The following MYH8 variants were observed in gnomAD, a reference collection of about 807,000 sequenced individuals.
MYH8 encodes myosin-8.
In MYH8, 168 loss-of-function variants were observed where a neutral mutation model predicts 233.2. The ratio of observed to expected loss-of-function variants is 0.72; its 90% CI spans 0.64 to 0.82. MYH8 has a LOEUF of 0.82. Among genes scored for constraint, MYH8 ranks in the 40% least tolerant of loss-of-function variants. The pLI is 0.00. For missense variants in MYH8, 1,995 were observed against 2,327.8 expected, an observed-to-expected ratio of 0.86 and a Z score of 2.94; for synonymous variants, 785 against 850.6, an observed-to-expected ratio of 0.92 and a Z score of 1.34.
chr17:10,408,861 A>G (rs1400034807), intron 17 of MYH8, among the ~76,000 whole-genome samples: 1 of 152,222 alleles, frequency 6.6e-6, no homozygotes, highest in Non-Finnish European at 1.5e-5. Context: ...TTATATAATG[A>G]GAAAGTTTCT....
At chr17:10,418,555 A>T in intron 5 of MYH8, 90 bp downstream of exon 5, 1 of 1,608,510 alleles carries the variant, frequency 6.2e-7, no homozygotes, top group African/African-American at 1.3e-5. Context: ...AGAATGTATT[A>T]TCATAACATA....
rs1283060152 is a variant in MYH8 at position 10,400,437 on chromosome 17, C to T, written c.3688G>A (p.Glu1230Lys). 2 of 1,613,962 alleles carry T rather than the reference C, an allele frequency of 1.2e-6. No individual in the cohort carries two copies. The highest frequency in any genetic ancestry group is 1.7e-6 in the Non-Finnish European group (2 of 1,179,948). ...LEKEKSELKM[E>K]TDDLSSNAEA... ...GCGTTACTGCTGAGGTCATCAGTCT[C>T]CATCTTCAGCTCACTCTTCTCCTTC... is the stretch of plus-strand genomic sequence containing the variant. Residue 1230 changes from glutamate (E) to lysine (K), a missense_variant, in exon 27 of 40, where the codon GAG (glutamate) becomes AAG (lysine). Around this residue, in one of 3 missense-constraint regions of MYH8, gnomAD observed 1,498 missense variants for 1,680.9 expected, o/e 0.89. Transcript: ENST00000403437. The surrounding 1 kb of genome is among the most constrained non-coding windows in gnomAD (Gnocchi z 4.0).
Position 10,400,678 on chromosome 17 carries a change from G to A in MYH8, c.3447C>T (p.Ile1149=). The A allele has an allele frequency of 6.2e-7, 1 of 1,614,158 alleles. No individual in the cohort carries two copies. The highest frequency in any genetic ancestry group is 1.1e-5 in the South Asian group (1 of 91,080). ...RSDLSRELEE[I]SERLEEAGGA... ...CACCGGCTTCTTCCAGCCTCTCGCT[G>A]ATCTCCTCCAGTTCCCGGGAGAGGT... Residue 1149 remains isoleucine, a synonymous_variant, in exon 27 of 40, where the codon ATC becomes ATT. Transcript: ENST00000403437. This position sits in a 1 kb window ranked among gnomAD's most constrained non-coding sequence, Gnocchi z 4.0.
In MYH8 at chr17:10,396,311, A is replaced by C. The variant is rs755552897; in HGVS notation, c.4653+19T>G. On this transcript the variant is annotated intron_variant, in intron 33 of 39. Coordinates refer to ENST00000403437, the MANE Select transcript of MYH8 (RefSeq NM_002472.3). This position sits in a 1 kb window ranked among gnomAD's most constrained non-coding sequence, Gnocchi z 4.2. ...GTTTGTCTTTGTTTTTCCATAACAT[A>C]ATACAAGGTAATATGTACCTCTGCT... 3.1e-6 allele frequency: 5 copies of C among 1,613,440 alleles called. No individual in the cohort carries two copies. The highest frequency in any genetic ancestry group is 1.1e-5 in the South Asian group (1 of 91,016).
Position 10,396,497 on chromosome 17 carries a change from A to C in MYH8, c.4529-43T>G, listed in dbSNP as rs2072079557. On this transcript the variant is annotated intron_variant, in intron 32 of 39. Coordinates refer to ENST00000403437, the MANE Select transcript of MYH8 (RefSeq NM_002472.3). This position sits in a 1 kb window ranked among gnomAD's most constrained non-coding sequence, Gnocchi z 4.2. ...GGAGAGAAATGGTCAGAAAGATGGCAACATGGAAAGGTCCTCCCAGGGATA... is the reference window on the plus strand; with the variant it reads ...GGAGAGAAATGGTCAGAAAGATGGCCACATGGAAAGGTCCTCCCAGGGATA... 17 of 1,614,028 alleles carry C rather than the reference A, an allele frequency of 1.1e-5. No individual in the cohort carries two copies. In the East Asian group the frequency reaches 3.8e-4, roughly 36 times the overall value.
chr17:10,413,807 C>T (rs896198751), intron 12 of MYH8, 95 bp downstream of exon 12: 16 of 1,584,694 alleles, frequency 1.0e-5, no homozygotes, highest in African/African-American at 2.7e-5. Flanking sequence ...CTTCACAAGT[C>T]GCAAGTCCAG....
rs774308064 is a variant in MYH8 at position 10,406,759 on chromosome 17, A to G, written c.2102T>C (p.Val701Ala). 3 of 1,614,086 alleles carry G rather than the reference A, an allele frequency of 1.9e-6. No homozygotes were observed. The African/African-American group carries it at 4.0e-5, about 22-fold the overall frequency. Residue 701 changes from valine (V) to alanine (A), a missense_variant, in exon 19 of 40, where the codon GTG becomes GCG. By Grantham distance (64) the Val-to-Ala change is moderately conservative. Transcript: ENST00000403437. ...CCTACAGATGCGGATGCCTTCCAGC[A>G]CACCATTACACCTCAGCTGGTGCAA... ...LVLHQLRCNGVLEGIRICRKG... is the reference protein window; with the variant it reads ...LVLHQLRCNGALEGIRICRKG...
Position 10,396,418 on chromosome 17 carries a change from C to G in MYH8, c.4565G>C (p.Gly1522Ala). ...CTCCAATTCATGAATTTGCTTTCCT[C>G]CCTCTGCAATCTGCTCAGTGAGGTC... Reference protein sequence around the residue: ...ISDLTEQIAEGGKQIHELEKI... With the variant: ...ISDLTEQIAEAGKQIHELEKI... Residue 1522 changes from glycine to alanine, a missense_variant, in exon 33 of 40, where the codon GGA (glycine) becomes GCA (alanine). Coordinates refer to ENST00000403437, the MANE Select transcript of MYH8 (RefSeq NM_002472.3). This position sits in a 1 kb window ranked among gnomAD's most constrained non-coding sequence, Gnocchi z 4.2. 5 of 1,614,088 alleles carry G rather than the reference C, an allele frequency of 3.1e-6. No homozygotes were observed. The highest frequency in any genetic ancestry group is 4.2e-6 in the Non-Finnish European group (5 of 1,180,028).
rs1555555758 is a variant in MYH8 at position 10,398,994 on chromosome 17, G to GTGTATATATATATATATATATATATA, written c.3863-109_3863-108insTATATATATATATATATATATATACA. 6.9e-5 allele frequency: 21 copies of GTGTATATATATATATATATATATATA among 305,188 alleles called. 1 individual carries two copies. Among genetic ancestry groups the GTGTATATATATATATATATATATATA allele is most frequent in the African/African-American group, 5.0e-4 (21 of 42,072 alleles). The allele number at this position is 305,188 out of a possible 1,614,324, so 18.9% of individuals were successfully genotyped here. A position where few individuals can be genotyped will look rare whatever the true frequency, so the allele number is the denominator to read the frequency against. On this transcript the variant is annotated intron_variant, in intron 28 of 39. Coordinates refer to ENST00000403437, the MANE Select transcript of MYH8 (RefSeq NM_002472.3). ...TATATATATGTATATATGTGTGTGTGTATATATATATATATATATATATAC... is the reference window on the plus strand; with the variant it reads ...TATATATATGTATATATGTGTGTGTGTGTATATATATATATATATATATATATATATATATATATATATATATATAC...
Position 10,410,953 on chromosome 17 carries a change from C to G in MYH8, c.1417-6G>C. The stretch of plus-strand genomic sequence containing the variant: ...AGCTGCTCCAGGCTGTTAAACTACA[C>G]AAAATAATAGAGATTTCCAACATCA... On this transcript the variant is annotated splice_polypyrimidine_tract_variant and splice_region_variant and intron_variant, in intron 14 of 39. Transcript: ENST00000403437. The G allele has an allele frequency of 6.2e-7, 1 of 1,613,874 alleles. No homozygotes were observed. Among genetic ancestry groups the G allele is most frequent in the Non-Finnish European group, 8.5e-7 (1 of 1,179,934 alleles).
chr17:10,418,555 A>G (rs757304378), intron 5 of MYH8, 90 bp downstream of exon 5: 1 of 1,608,510 alleles, frequency 6.2e-7, no homozygotes, highest in Non-Finnish European at 8.5e-7. Flanking sequence ...AGAATGTATT[A>G]TCATAACATA....
chr17:10,401,062 C>T lies in MYH8; in HGVS notation c.3238G>A (p.Asp1080Asn), dbSNP rs756254146. ...MDMENDKQQL[D>N]EKLEKKEFEI... ...GGCTCCTACTTTTCAAGCTTTTCAT[C>T]AAGTTGCTGTTTGTCATTTTCCATA... is the stretch of plus-strand genomic sequence containing the variant. Residue 1080 changes from aspartate (D) to asparagine (N), a missense_variant, in exon 25 of 40, where the codon GAT (aspartate) becomes AAT (asparagine). Around this residue, in one of 3 missense-constraint regions of MYH8, gnomAD observed 1,498 missense variants for 1,680.9 expected, o/e 0.89. Coordinates refer to ENST00000403437, the MANE Select transcript of MYH8 (RefSeq NM_002472.3). 9.9e-6 allele frequency: 16 copies of T among 1,614,114 alleles called. No individual in the cohort carries two copies. Among genetic ancestry groups the T allele is most frequent in the Non-Finnish European group, 1.4e-5 (16 of 1,180,022 alleles).
At position 10,401,357 on chromosome 17, in the gene MYH8, G is replaced by A; in HGVS notation, c.3026C>T (p.Thr1009Ile). 7 of 1,614,060 alleles carry A rather than the reference G, an allele frequency of 4.3e-6. No individual in the cohort carries two copies. The highest frequency in any genetic ancestry group is 5.9e-6 in the Non-Finnish European group (7 of 1,180,012). The change falls in exon 24 of 40, where the codon ACC becomes ATC. Residue 1009 changes from threonine (T) to isoleucine (I), a missense_variant. By Grantham distance (89) the Thr-to-Ile change is moderately conservative. Around this residue, in one of 3 missense-constraint regions of MYH8, gnomAD observed 1,498 missense variants for 1,680.9 expected, o/e 0.89. Coordinates refer to ENST00000403437, the MANE Select transcript of MYH8 (RefSeq NM_002472.3). The stretch of plus-strand genomic sequence containing the variant: ...CTCCTCTGCCTGCAGGTCATCCAGG[G>A]TCTGCTGGTGGGTCTCTTGGAGAGC... The part of the protein sequence containing the change: ...KKALQETHQQ[T>I]LDDLQAEEDK...
intron 15 of MYH8, among the ~76,000 whole-genome samples, chr17:10,410,040 A>G (rs2072230824): frequency 6.6e-6 from 1 of 152,212 alleles, no homozygotes; most frequent in Non-Finnish European, 1.5e-5. Context: ...ACAGTGGCTC[A>G]TGCCTGTAAT....
chr17:10,393,644 A>T (rs1163443224), intron 35 of MYH8, among the ~76,000 whole-genome samples: 1 of 152,226 alleles, frequency 6.6e-6, no homozygotes, highest in Admixed American at 6.5e-5. Flanking sequence ...AATTTGTCTT[A>T]TGAAAACATG....
intron 4 of MYH8, 32 bp downstream of exon 4, chr17:10,418,855 C>A: frequency 6.2e-7 from 1 of 1,613,878 alleles, no homozygotes; most frequent in Non-Finnish European, 8.5e-7. Flanking sequence ...CAGAGAGAGA[C>A]ATGAAATAAA....
At position 10,419,703 on chromosome 17, in the gene MYH8, C is replaced by A. The variant is rs8065604; in HGVS notation, c.210+315G>T. ...ATGGGGATATTAATACATTATTTAACTAAGTAAATATTTAACTTCTGATAG... is the reference window on the plus strand; with the variant it reads ...ATGGGGATATTAATACATTATTTAAATAAGTAAATATTTAACTTCTGATAG... On this transcript the variant is annotated intron_variant, in intron 3 of 39. Transcript: ENST00000403437. The surrounding 1 kb of genome is among the most constrained non-coding windows in gnomAD (Gnocchi z 4.0). 0.32 allele frequency among the ~76,000 whole-genome samples: 48,902 copies of A among 151,930 alleles called. 9,065 individuals carry two copies. Among genetic ancestry groups the A allele is most frequent in the East Asian group, 0.83 (4,266 of 5,162 alleles).
chr17:10,399,647 C>T lies in MYH8; in HGVS notation c.3758G>A (p.Arg1253His), dbSNP rs1253112363. 6 of 1,613,828 alleles carry T rather than the reference C, an allele frequency of 3.7e-6. No homozygotes were observed. Among genetic ancestry groups the T allele is most frequent in the South Asian group, 2.2e-5 (2 of 91,060 alleles). Residue 1253 changes from arginine (R) to histidine (H), a missense_variant, in exon 28 of 40, where the codon CGC becomes CAC. This residue lies in a region of MYH8 where 1,498 missense variants were observed against 1,680.9 expected (regional missense o/e 0.89). Transcript: ENST00000403437. ...KAKGNLEKMC[R>H]SLEDQVSELK... The stretch of plus-strand genomic sequence containing the variant: ...CTCACTCACTTGATCTTCTAGAGAG[C>T]GGCACATCTTTTCAAGGTTTCCCTA...
chr17:10,396,836 T>C lies in MYH8; in HGVS notation c.4329A>G (p.Ala1443=). The C allele has an allele frequency of 6.2e-7, 1 of 1,614,254 alleles. No individual in the cohort carries two copies. Among genetic ancestry groups the C allele is most frequent in the Non-Finnish European group, 8.5e-7 (1 of 1,180,054 alleles). ...LDVERSNAAC[A]ALDKKQRNFD... is the part of the protein sequence containing the mutation. The stretch of plus-strand genomic sequence containing the variant: ...AGTTCCTTTGCTTCTTATCAAGGGC[T>C]GCACAGGCTGCATTAGACCTTTCCA... The change falls in exon 31 of 40, where the codon GCA becomes GCG. Residue 1443 remains alanine (A), a synonymous_variant. Transcript: ENST00000403437. This position sits in a 1 kb window ranked among gnomAD's most constrained non-coding sequence, Gnocchi z 4.2.
Sources: gnomAD v4.1 joint callset for allele counts (sites outside exome capture counted in the v4.1 genomes callset) on GRCh38, gnomAD v4.1.1 for gene constraint, gnomAD v4.1.1 regional missense constraint, Gnocchi (gnomAD v3.1) non-coding constraint, MANE v1.5 for transcripts, NCBI Gene and HGNC (gene_info 2026-07-23, HGNC 2026-07-21) for gene names.